CLNK: variants seen among roughly 807,000 people sequenced by gnomAD.
The protein encoded by CLNK is cytokine-dependent hematopoietic cell linker.
A neutral mutation model predicts 68.6 loss-of-function variants in CLNK; 74 were observed. That is an observed-to-expected ratio of 1.08 (90% CI 0.89 to 1.31). CLNK has a LOEUF of 1.31. Among genes scored for constraint, CLNK ranks in the 50% most tolerant of loss-of-function variants. The pLI, the probability that CLNK is intolerant of heterozygous loss-of-function variation, is 0.00. For missense variants in CLNK, 553 were observed against 515.3 expected, an observed-to-expected ratio of 1.07 and a Z score of -0.71; for synonymous variants, 198 against 172.2, an observed-to-expected ratio of 1.15 and a Z score of -1.17.
chr4:10,492,046 C>T (rs574908263), intron 18 of CLNK, among the ~76,000 whole-genome samples: 3 of 152,282 alleles, frequency 2.0e-5, no homozygotes, highest in Non-Finnish European at 4.4e-5. Flanking sequence ...AGAGCTTGCT[C>T]AACCTGCCTC....
intron 2 of CLNK, among the ~76,000 whole-genome samples, chr4:10,664,820 C>T (rs547068998): frequency 2.0e-5 from 3 of 152,328 alleles, no homozygotes; most frequent in African/African-American, 7.2e-5. Context: ...GTGGAGTGTA[C>T]TAGGGCATCT....
chr4:10,566,188 G>T (rs757336903), intron 5 of CLNK, 38 bp from the exon 6 acceptor site: 1 of 1,604,980 alleles, frequency 6.2e-7, no homozygotes, highest in Non-Finnish European at 8.5e-7. Flanking sequence ...TCAAAGGAAG[G>T]TACAATGTTG....
intron 8 of CLNK, among the ~76,000 whole-genome samples, chr4:10,549,008 G>A (rs575547086): frequency 1.7e-4 from 26 of 152,168 alleles, no homozygotes; most frequent in Non-Finnish European, 2.4e-4. Flanking sequence ...GTTACTCAGG[G>A]TGAATCTTTA....
chr4:10,558,141 T>C (rs1270042152), intron 8 of CLNK, among the ~76,000 whole-genome samples: 2 of 152,234 alleles, frequency 1.3e-5, no homozygotes, highest in Non-Finnish European at 2.9e-5. Flanking sequence ...GCAATCCATA[T>C]GTTTCAAAAT....
chr4:10,623,378 G>T (rs1273924996), intron 2 of CLNK, among the ~76,000 whole-genome samples: 1 of 152,186 alleles, frequency 6.6e-6, no homozygotes, highest in Non-Finnish European at 1.5e-5. Flanking sequence ...ACAAATGTTT[G>T]TTGAGCATCT....
chr4:10,597,587 C>G (rs775056324), intron 3 of CLNK, among the ~76,000 whole-genome samples: 1 of 152,160 alleles, frequency 6.6e-6, no homozygotes, highest in Non-Finnish European at 1.5e-5. Flanking sequence ...GCACTTGGCT[C>G]TCTCTTGTCT....
At chr4:10,643,888 A>G (rs1209912391) in intron 2 of CLNK, among the ~76,000 whole-genome samples, 1 of 152,250 alleles carries the variant, frequency 6.6e-6, no homozygotes, top group Non-Finnish European at 1.5e-5. Context: ...AGATCATGTT[A>G]CATGGAAATT....
intron 14 of CLNK, among the ~76,000 whole-genome samples, chr4:10,525,330 G>T (rs1022481611): frequency 2.0e-5 from 3 of 152,158 alleles, no homozygotes; most frequent in African/African-American, 7.2e-5. Flanking sequence ...CTCCCAAAGT[G>T]CTGGGATTAC....
intron 2 of CLNK, among the ~76,000 whole-genome samples, chr4:10,619,780 A>G (rs1171472818): frequency 6.6e-6 from 1 of 152,190 alleles, no homozygotes; most frequent in Non-Finnish European, 1.5e-5. Context: ...TAGTCTTTCC[A>G]GTATCGTGTG....
intron 2 of CLNK, among the ~76,000 whole-genome samples, chr4:10,605,518 TA>T (rs1335250965): frequency 6.6e-6 from 1 of 151,818 alleles, no homozygotes; most frequent in African/African-American, 2.4e-5. Flanking sequence ...AAAAATAAGT[TA>T]AAAAAAGATA....
intron 2 of CLNK, 64 bp downstream of exon 2, chr4:10,667,795 A>C: frequency 6.8e-7 from 1 of 1,471,230 alleles, no homozygotes; most frequent in Non-Finnish European, 9.1e-7. Context: ...CATCTTCCAG[A>C]AAACACCTCC....
intron 2 of CLNK, among the ~76,000 whole-genome samples, chr4:10,653,477 C>A (rs919946008): frequency 6.6e-6 from 1 of 151,952 alleles, no homozygotes; most frequent in Non-Finnish European, 1.5e-5. Flanking sequence ...AGTAAAAATG[C>A]TCCAGAATTT....
chr4:10,536,878 G>A (rs1489242229), intron 11 of CLNK, among the ~76,000 whole-genome samples: 2 of 151,994 alleles, frequency 1.3e-5, no homozygotes, highest in Non-Finnish European at 2.9e-5. Flanking sequence ...CAATAGACCT[G>A]TGTGGTTTGT....
intron 7 of CLNK, among the ~76,000 whole-genome samples, chr4:10,562,906 G>A (rs1233171494): frequency 6.6e-6 from 1 of 152,174 alleles, no homozygotes; most frequent in East Asian, 1.9e-4. Flanking sequence ...GGAATTGGTG[G>A]TTCACGGATA....
intron 2 of CLNK, among the ~76,000 whole-genome samples, chr4:10,599,923 A>G (rs1417860852): frequency 6.6e-6 from 1 of 152,200 alleles, no homozygotes; most frequent in Non-Finnish European, 1.5e-5. Context: ...GCCAAACTGG[A>G]TCAAGAAGAA....
chr4:10,683,353 T>C (rs1288602082), intron 1 of CLNK, among the ~76,000 whole-genome samples: 6 of 152,208 alleles, frequency 3.9e-5, no homozygotes, highest in Non-Finnish European at 7.3e-5. Flanking sequence ...GTCTTGCCTA[T>C]ACAGTCATCT....
At chr4:10,603,640 G>T (rs1387106358) in intron 2 of CLNK, among the ~76,000 whole-genome samples, 2 of 152,228 alleles carry the variant, frequency 1.3e-5, no homozygotes, top group African/African-American at 2.4e-5. Context: ...GGAAAAGTGG[G>T]CTGTGATGCA....
At chr4:10,731,452 G>C in the CLNK span, among the ~76,000 whole-genome samples, 1 of 152,074 alleles carries the variant, frequency 6.6e-6, no homozygotes, top group Non-Finnish European at 1.5e-5. Context: ...TTGTTCCTTA[G>C]TTTCTGGTAA....
At chr4:10,712,913 A>G in the CLNK span, among the ~76,000 whole-genome samples, 2 of 152,206 alleles carry the variant, frequency 1.3e-5, no homozygotes, top group African/African-American at 4.8e-5. Flanking sequence ...CCAGAAACTG[A>G]CTTAGCTCAT....
Sources: allele counts gnomAD v4.1 joint callset (sites outside exome capture counted in the v4.1 genomes callset), GRCh38; gene constraint gnomAD v4.1.1; transcripts MANE v1.5; gene names NCBI Gene and HGNC (gene_info 2026-07-23, HGNC 2026-07-21).